AMZ1: variants seen among roughly 807,000 people sequenced by gnomAD.
AMZ1 encodes archaelysin family metallopeptidase 1.
AMZ1 carries 39 observed loss-of-function variants against 29.9 expected under a neutral mutation model. The ratio of observed to expected loss-of-function variants is 1.30; its 90% CI spans 1.01 to 1.70. AMZ1 has a LOEUF of 1.70. Ranked by LOEUF, AMZ1 falls within the 40% of genes most tolerant of loss-of-function variation. The pLI is 0.00. For missense variants in AMZ1, 1,041 were observed against 680.6 expected, an observed-to-expected ratio of 1.53 and a Z score of -5.89; for synonymous variants, 458 against 304.0, an observed-to-expected ratio of 1.51 and a Z score of -5.27.
In AMZ1 at chr7:2,708,682, G is replaced by A. The variant is rs559567205; in HGVS notation, c.567G>A (p.Trp189Ter). The change falls in exon 4 of 7, where the codon TGG becomes TGA. Residue 189 changes from tryptophan to a stop codon, truncating the protein, a stop_gained. Coordinates refer to ENST00000683327, the MANE Select transcript of AMZ1 (RefSeq NM_001384743.1). LOFTEE classifies it high-confidence loss of function. ...CTGACCTGTACCCCCATGAGGCCTGGAGCTTCACCTTCAGCAAGTTCCTTC... is the reference window on the plus strand; with the variant it reads ...CTGACCTGTACCCCCATGAGGCCTGAAGCTTCACCTTCAGCAAGTTCCTTC... ...TLSDLYPHEA[W>*]SFTFSKFLPG... is the part of the protein sequence containing the mutation. 3.1e-6 allele frequency: 5 copies of A among 1,613,014 alleles called. No homozygotes were observed. The African/African-American group carries it at 4.0e-5, about 13-fold the overall frequency.
Position 2,715,682 on chromosome 7 carries a change from G to A in AMZ1, c.*2804G>A, listed in dbSNP as rs555064459. ...TGTTTTGAAATGCAACTTTGAGGAA[G>A]AGAAATTGGTTTCCCTCCTCTCCCC... is the stretch of plus-strand genomic sequence containing the variant. On this transcript the variant is annotated 3_prime_UTR_variant, in exon 7 of 7. Transcript: ENST00000683327. 1 of 113,948 alleles carries A rather than the reference G, an allele frequency of 8.8e-6. No individual in the cohort carries two copies. Among genetic ancestry groups the A allele is most frequent in the East Asian group, 2.4e-4 (1 of 4,104 alleles). The allele number at this position is 113,948 out of a possible 1,614,324, so 7.1% of individuals were successfully genotyped here.
intron 4 of AMZ1, among the ~76,000 whole-genome samples, chr7:2,735,349 C>T (rs1194282429): frequency 6.6e-6 from 1 of 152,224 alleles, no homozygotes; most frequent in East Asian, 1.9e-4. Flanking sequence ...ACGAAGGAAG[C>T]AGAGGCAGTT....
chr7:2,737,245 A>G (rs973096540), intron 4 of AMZ1, among the ~76,000 whole-genome samples: 3 of 133,798 alleles, frequency 2.2e-5, no homozygotes, highest in Non-Finnish European at 3.2e-5. Context: ...CTATCTGCCC[A>G]TTCAGGAGCT....
intron 4 of AMZ1, among the ~76,000 whole-genome samples, chr7:2,726,865 GA>G (rs1406625719): frequency 6.6e-6 from 1 of 152,132 alleles, no homozygotes; most frequent in Non-Finnish European, 1.5e-5. Flanking sequence ...TTTCTGGCTG[GA>G]ACGATAACCC....
At chr7:2,696,840 C>T (rs1014345772) in intron 1 of AMZ1, among the ~76,000 whole-genome samples, 3 of 152,054 alleles carry the variant, frequency 2.0e-5, no homozygotes, top group Admixed American at 1.3e-4. Context: ...GAGCAAAGAT[C>T]GTGCTACTGC....
intron 4 of AMZ1, chr7:2,727,984 G>C (rs1025613601): frequency 6.9e-6 from 1 of 145,700 alleles, no homozygotes; most frequent in Non-Finnish European, 1.5e-5. Flanking sequence ...TTGAACCCAC[G>C]AGGTGGAGGG....
chr7:2,725,686 A>G (rs1033346415), intron 4 of AMZ1, among the ~76,000 whole-genome samples: 16 of 151,762 alleles, frequency 1.1e-4, no homozygotes, highest in African/African-American at 3.6e-4. Flanking sequence ...ACCCCCGAAA[A>G]CCGTAGACTC....
At chr7:2,732,043 T>C (rs1789924149) in intron 4 of AMZ1, among the ~76,000 whole-genome samples, 1 of 152,306 alleles carries the variant, frequency 6.6e-6, no homozygotes, top group East Asian at 1.9e-4. Flanking sequence ...CAGAGGAAAT[T>C]TACCATCTTT....
intron 4 of AMZ1, among the ~76,000 whole-genome samples, chr7:2,752,734 G>GT (rs1435054019): frequency 9.9e-5 from 15 of 151,750 alleles, no homozygotes; most frequent in African/African-American, 3.1e-4. Context: ...TTTTTTTGCC[G>GT]TAACTTTTCA....
At chr7:2,702,535 G>C (rs946245174) in intron 2 of AMZ1, 187 bp from the exon 3 acceptor site, 3 of 621,542 alleles carry the variant, frequency 4.8e-6, no homozygotes, top group African/African-American at 3.7e-5. Flanking sequence ...TGTGTCCCTC[G>C]GTGTTTGCCC....
At chr7:2,695,732 C>T (rs549037068) in intron 1 of AMZ1, among the ~76,000 whole-genome samples, 30 of 151,482 alleles carry the variant, frequency 2.0e-4, no homozygotes, top group East Asian at 1.2e-3. Flanking sequence ...AAAAAAAGGC[C>T]GGGCGCAGTG....
At position 2,716,632 on chromosome 7, in the gene AMZ1, C is replaced by G. The variant is rs1274400657; in HGVS notation, c.*3754C>G. 1.3e-5 allele frequency: 2 copies of G among 152,240 alleles called. No individual in the cohort carries two copies. The highest frequency in any genetic ancestry group is 3.8e-4 in the East Asian group (2 of 5,198). 9.4% of individuals were successfully genotyped at this position (152,240 alleles called of 1,614,324 possible). A position where few individuals can be genotyped will look rare whatever the true frequency, so the allele number is the denominator to read the frequency against. On this transcript the variant is annotated 3_prime_UTR_variant, in exon 7 of 7. Transcript: ENST00000683327. ...CACCTACACGCAGAGGGTCTCCATA[C>G]AGTGCCAAGGGAGCTGCTCTGCAGA...
chr7:2,688,509 C>T (rs1787187267), intron 1 of AMZ1, among the ~76,000 whole-genome samples: 1 of 152,144 alleles, frequency 6.6e-6, no homozygotes, highest in Non-Finnish European at 1.5e-5. Context: ...CCGGGGTCCG[C>T]ACAGCCCCGG....
At chr7:2,686,217 G>GT (rs1391552687), upstream of AMZ1, among the ~76,000 whole-genome samples, 1 of 152,216 alleles carries the variant, frequency 6.6e-6, no homozygotes, top group Non-Finnish European at 1.5e-5. Context: ...GCAGAACGCA[G>GT]TATGTGACGT....
intron 4 of AMZ1, among the ~76,000 whole-genome samples, chr7:2,724,990 G>A (rs1430185570): frequency 6.6e-6 from 1 of 152,106 alleles, no homozygotes; most frequent in Non-Finnish European, 1.5e-5. Flanking sequence ...GTCTATTTCT[G>A]AGTTCTACCC....
At position 2,712,455 on chromosome 7, in the gene AMZ1, G is replaced by A. The variant is rs141848117; in HGVS notation, c.1074G>A (p.Ser358=). ...ADSGMCCESD[S]EPGTSVSEPL... ...CGGGCATGTGCTGTGAGAGTGACTCGGAGCCCGGCACCAGTGTGTCGGAGC... is the reference window on the plus strand; with the variant it reads ...CGGGCATGTGCTGTGAGAGTGACTCAGAGCCCGGCACCAGTGTGTCGGAGC... The change falls in exon 7 of 7, where the codon TCG becomes TCA. Residue 358 remains serine (S), a synonymous_variant. Coordinates refer to ENST00000683327, the MANE Select transcript of AMZ1 (RefSeq NM_001384743.1). The A allele has an allele frequency of 5.8e-5, 94 of 1,611,286 alleles. No homozygotes were observed. Among genetic ancestry groups the A allele is most frequent in the East Asian group, 3.8e-4 (17 of 44,874 alleles).
At position 2,712,571 on chromosome 7, in the gene AMZ1, C is replaced by G; in HGVS notation, c.1190C>G (p.Pro397Arg). 1.9e-6 allele frequency: 3 copies of G among 1,611,442 alleles called. No homozygotes were observed. The highest frequency in any genetic ancestry group is 2.5e-6 in the Non-Finnish European group (3 of 1,179,180). ...GCAGCCTCAGAGGCTCCGCTGCCAC[C>G]TGGGGGCCCTGCGGAGGCCATCAAG... Reference protein sequence around the residue: ...YLAASEAPLPPGGPAEAIKEH... With the variant: ...YLAASEAPLPRGGPAEAIKEH... The change falls in exon 7 of 7, where the codon CCT (proline) becomes CGT (arginine). Residue 397 changes from proline to arginine, a missense_variant. By Grantham distance (103) the Pro-to-Arg change is moderately radical (BLOSUM62 -2). Transcript: ENST00000683327.
intron 1 of AMZ1, among the ~76,000 whole-genome samples, chr7:2,697,904 C>A (rs993604028): frequency 6.6e-6 from 1 of 152,098 alleles, no homozygotes; most frequent in African/African-American, 2.4e-5. Context: ...ACCAGCCCCT[C>A]CCCTACTCTA....
At chr7:2,696,474 G>A (rs112571790) in intron 1 of AMZ1, among the ~76,000 whole-genome samples, 28 of 150,704 alleles carry the variant, frequency 1.9e-4, no homozygotes, top group African/African-American at 4.1e-4. Context: ...AGCCAGGATG[G>A]TCTCGATCTC....
Sources: gnomAD v4.1 joint callset for allele counts (sites outside exome capture counted in the v4.1 genomes callset) on GRCh38, gnomAD v4.1.1 for gene constraint, MANE v1.5 for transcripts, NCBI Gene and HGNC (gene_info 2026-07-23, HGNC 2026-07-21) for gene names.